Variants in KANSL1 observed in about 807,000 individuals in gnomAD.
KANSL1 encodes the protein KAT8 regulatory NSL complex subunit 1, also known as MLL1/MLL complex subunit KANSL1.
A neutral mutation model predicts 103.6 loss-of-function variants in KANSL1; 22 were observed. The observed-to-expected ratio is 0.21, with a 90% confidence interval of 0.15 to 0.30. KANSL1 has a LOEUF of 0.30. KANSL1 is among the 10% of genes least tolerant of loss of function. The pLI, the probability that KANSL1 is intolerant of heterozygous loss-of-function variation, is 1.00. For missense variants in KANSL1, 1,337 were observed against 1,399.8 expected (o/e 0.96, Z 0.72); for synonymous variants, 600 against 527.6 (o/e 1.14, Z -1.88).
chr17:46,084,664 G>A (rs1269837872), intron 3 of KANSL1, among the ~76,000 whole-genome samples: 13 of 124,648 alleles, frequency 1.0e-4, no homozygotes, highest in African/African-American at 1.6e-4. Flanking sequence ...TCTGGGCAAC[G>A]AGAGCGAAAC....
Position 46,032,184 on chromosome 17 carries a change from G to A in KANSL1, c.2953C>T (p.His985Tyr). The change falls in exon 14 of 15, where the codon CAT becomes TAT. Residue 985 changes from histidine (H) to tyrosine (Y), a missense_variant. His to Tyr is a moderately conservative substitution (Grantham distance 83). Transcript: ENST00000432791. ...SSSHSLSEYSHGQSPRSPISP... is the reference protein window; with the variant it reads ...SSSHSLSEYSYGQSPRSPISP... ...ATGGGGCTCCTAGGGGACTGACCAT[G>A]GGAGTATTCTGACAAAGAGTGGCTA... 1 of 1,611,300 alleles carries A rather than the reference G, an allele frequency of 6.2e-7. No homozygotes were observed. Among genetic ancestry groups the A allele is most frequent in the Non-Finnish European group, 8.5e-7 (1 of 1,178,036 alleles).
chr17:46,102,507 C>T (rs769705022), intron 2 of KANSL1, among the ~76,000 whole-genome samples: 1 of 152,178 alleles, frequency 6.6e-6, no homozygotes, highest in Non-Finnish European at 1.5e-5. Flanking sequence ...GCCTCAGCCT[C>T]CCAAAGTGCT....
chr17:46,060,343 C>A (rs565697005), intron 6 of KANSL1, among the ~76,000 whole-genome samples: 2 of 152,182 alleles, frequency 1.3e-5, no homozygotes, highest in Non-Finnish European at 2.9e-5. Flanking sequence ...TCAAGCATAT[C>A]CCACAACTGG....
At chr17:46,067,975 G>A (rs962751909) in intron 4 of KANSL1, among the ~76,000 whole-genome samples, 1 of 151,992 alleles carries the variant, frequency 6.6e-6, no homozygotes, top group Non-Finnish European at 1.5e-5. Flanking sequence ...GAGGTTGACA[G>A]AGAGAAGGAG....
chr17:46,175,037 G>C (rs554540159), intron 1 of KANSL1, among the ~76,000 whole-genome samples: 2 of 152,202 alleles, frequency 1.3e-5, no homozygotes, highest in East Asian at 3.9e-4. Flanking sequence ...CAAATTTTAA[G>C]AGTTAAAAAA....
chr17:46,120,994 T>A (rs1212210223), intron 2 of KANSL1, among the ~76,000 whole-genome samples: 2 of 152,172 alleles, frequency 1.3e-5, no homozygotes, highest in African/African-American at 4.8e-5. Flanking sequence ...ATACCTTCCA[T>A]CCACTTGCTC....
intron 2 of KANSL1, among the ~76,000 whole-genome samples, chr17:46,136,628 C>T (rs1010274387): frequency 9.2e-5 from 14 of 152,212 alleles, no homozygotes; most frequent in Admixed American, 9.2e-4. Flanking sequence ...AGGCCTTTCT[C>T]GTCACCCACC....
chr17:46,190,327 A>G (rs1378854055), intron 1 of KANSL1, among the ~76,000 whole-genome samples: 1 of 152,254 alleles, frequency 6.6e-6, no homozygotes, highest in Non-Finnish European at 1.5e-5. Flanking sequence ...CACGTAACAA[A>G]GAGTGCTCTG....
intron 2 of KANSL1, among the ~76,000 whole-genome samples, chr17:46,095,981 GCA>G (rs747155095): frequency 1.1e-4 from 16 of 152,198 alleles, no homozygotes; most frequent in Non-Finnish European, 1.9e-4. Context: ...ATGGGAAAAC[GCA>G]CAGTCTCATA....
At chr17:46,194,059 T>C (rs879244778), upstream of KANSL1, among the ~76,000 whole-genome samples, 13 of 148,084 alleles carry the variant, frequency 8.8e-5, no homozygotes, top group Non-Finnish European at 1.5e-4. Flanking sequence ...TTGGGCGGGG[T>C]GGGGAGGGTG....
Position 46,171,684 on chromosome 17 carries a change from C to T in KANSL1, c.460G>A (p.Val154Ile), listed in dbSNP as rs2046300008. 1.9e-6 allele frequency: 3 copies of T among 1,554,414 alleles called. No homozygotes were observed. Among genetic ancestry groups the T allele is most frequent in the Non-Finnish European group, 2.6e-6 (3 of 1,154,906 alleles). The change falls in exon 2 of 15, where the codon GTA (valine) becomes ATA (isoleucine). Residue 154 changes from valine (V) to isoleucine (I), a missense_variant. Physicochemically the swap from Val to Ile is conservative, Grantham distance 29. Transcript: ENST00000432791. ...SGQTALPQAP[V>I]NGLAKKLTKS... ...GTCAATTTCTTAGCCAACCCATTTACAGGTGCTTGTGGCAGAGCTGTCTGA... is the reference window on the plus strand; with the variant it reads ...GTCAATTTCTTAGCCAACCCATTTATAGGTGCTTGTGGCAGAGCTGTCTGA...
chr17:46,038,289 A>G, intron 10 of KANSL1: 1 of 525,574 alleles, frequency 1.9e-6, no homozygotes, highest in Non-Finnish European at 3.4e-6. Flanking sequence ...CCCTGCATCA[A>G]GCTTTCTATG....
intron 2 of KANSL1, chr17:46,156,809 G>GA (rs1317211019): frequency 6.6e-6 from 1 of 151,806 alleles, no homozygotes; most frequent in Non-Finnish European, 1.5e-5. Flanking sequence ...TGAGGCAGGA[G>GA]AATCGCTTGA....
Position 46,172,067 on chromosome 17 carries a change from G to A in KANSL1, c.77C>T (p.Ser26Phe). 2 of 1,614,020 alleles carry A rather than the reference G, an allele frequency of 1.2e-6. No homozygotes were observed. Among genetic ancestry groups the A allele is most frequent in the Non-Finnish European group, 1.7e-6 (2 of 1,180,062 alleles). ...HHIRFKLAPP[S>F]STLSPGSAEN... ...GGCACTGCCAGGGGACAAGGTAGAG[G>A]ATGGGGGAGCCAGTTTGAACCGGAT... The change falls in exon 2 of 15, where the codon TCC (serine) becomes TTC (phenylalanine). Residue 26 changes from serine (S) to phenylalanine (F), a missense_variant. Coordinates refer to ENST00000432791, the MANE Select transcript of KANSL1 (RefSeq NM_015443.4).
At chr17:46,143,134 T>A (rs28433293) in intron 2 of KANSL1, among the ~76,000 whole-genome samples, 1 of 152,226 alleles carries the variant, frequency 6.6e-6, no homozygotes, top group African/African-American at 2.4e-5. Flanking sequence ...TCAAAGGCCG[T>A]AAGATACACT....
intron 12 of KANSL1, 80 bp downstream of exon 12, chr17:46,033,323 G>C: frequency 6.7e-7 from 1 of 1,481,818 alleles, no homozygotes; most frequent in Middle Eastern, 1.7e-4. Flanking sequence ...AAGTCTTCAG[G>C]CCATTTAGGG....
intron 2 of KANSL1, among the ~76,000 whole-genome samples, chr17:46,126,681 G>A (rs533972794): frequency 6.6e-6 from 1 of 152,074 alleles, no homozygotes; most frequent in Non-Finnish European, 1.5e-5. Flanking sequence ...TTCCAGAACA[G>A]TTTCCTCCAA....
intron 1 of KANSL1, among the ~76,000 whole-genome samples, chr17:46,189,645 A>T (rs887430948): frequency 6.6e-6 from 1 of 152,170 alleles, no homozygotes; most frequent in African/African-American, 2.4e-5. Context: ...CACTTCTGGG[A>T]GGCCGAGGCA....
chr17:46,109,478 G>C (rs1422532427), intron 2 of KANSL1, among the ~76,000 whole-genome samples: 1 of 152,022 alleles, frequency 6.6e-6, no homozygotes, highest in Non-Finnish European at 1.5e-5. Flanking sequence ...AAAATATTCT[G>C]TCATGTTCAT....
Sources: gnomAD v4.1 joint callset for allele counts (sites outside exome capture counted in the v4.1 genomes callset) on GRCh38, gnomAD v4.1.1 for gene constraint, MANE v1.5 for transcripts, NCBI Gene and HGNC (gene_info 2026-07-23, HGNC 2026-07-21) for gene names.